Variants in STOX1 observed in about 807,000 individuals in gnomAD.
STOX1 encodes the protein storkhead-box protein 1.
STOX1 carries 57 observed loss-of-function variants against 74.8 expected under a neutral mutation model. The observed-to-expected ratio is 0.76, with a 90% CI of 0.62 to 0.95. The LOEUF (loss-of-function observed/expected upper bound fraction) is 0.95. Ranked by LOEUF, STOX1 falls within the 40% of genes least tolerant of loss-of-function variation. The pLI, the probability that STOX1 is intolerant of heterozygous loss-of-function variation, is 0.00. For missense variants in STOX1, 1,010 were observed against 1,117.0 expected (o/e 0.90, Z 1.37); for synonymous variants, 375 against 401.3 (o/e 0.93, Z 0.78).
At chr10:68,867,895 G>C (rs73266464) in intron 1 of STOX1, among the ~76,000 whole-genome samples, 1,675 of 152,394 alleles carry the variant, frequency 0.011, 33 homozygotes, top group African/African-American at 0.037. Context: ...AAGGCGGCTA[G>C]TGCTAACCTT....
chr10:68,847,104 C>T (rs1039155651), intron 1 of STOX1, among the ~76,000 whole-genome samples: 1 of 152,086 alleles, frequency 6.6e-6, no homozygotes, highest in African/African-American at 2.4e-5. Flanking sequence ...AAAATGCCTT[C>T]CAGATACCAA....
Position 68,884,444 on chromosome 10 carries a change from T to C in STOX1, c.648T>C (p.Ala216=). 1 of 1,613,988 alleles carries C rather than the reference T, an allele frequency of 6.2e-7. No individual in the cohort carries two copies. The highest frequency in any genetic ancestry group is 8.5e-7 in the Non-Finnish European group (1 of 1,180,040). Reference sequence around the variant, plus strand: ...CAGATGAAAGTCGCCTGATGCCAGCTTCCATGACATATCTGGTGAGCATGG... The same window carrying C: ...CAGATGAAAGTCGCCTGATGCCAGCCTCCATGACATATCTGGTGAGCATGG... ...LPSDESRLMP[A]SMTYLVSMES... is the part of the protein sequence containing the mutation. The change falls in exon 3 of 4, where the codon GCT becomes GCC. Residue 216 remains alanine (A), a synonymous_variant. Transcript: ENST00000298596.
chr10:68,865,236 A>G lies in STOX1; in HGVS notation c.311-16722A>G, dbSNP rs192840406. Among the ~76,000 whole-genome samples the G allele has an allele frequency of 3.2e-3, 489 of 152,356 alleles. 1 individual carries two copies. The highest frequency in any genetic ancestry group is 5.6e-3 in the Non-Finnish European group (384 of 68,030). Reference sequence around the variant, plus strand: ...ACATGCCTTGTGGCAACACTTTCCAATGAAAATGCTTAGCAGGCTGCAGGT... The same window carrying G: ...ACATGCCTTGTGGCAACACTTTCCAGTGAAAATGCTTAGCAGGCTGCAGGT... On this transcript the variant is annotated intron_variant, in intron 1 of 3. Coordinates refer to ENST00000298596, the MANE Select transcript of STOX1 (RefSeq NM_152709.5).
chr10:68,863,312 T>C (rs1036153254), intron 1 of STOX1, among the ~76,000 whole-genome samples: 17 of 152,110 alleles, frequency 1.1e-4, no homozygotes, highest in Non-Finnish European at 2.2e-4. Context: ...ACCGCTATCA[T>C]AGCTATCATT....
chr10:68,857,374 C>CA (rs1840153646), intron 1 of STOX1, among the ~76,000 whole-genome samples: 2 of 152,048 alleles, frequency 1.3e-5, no homozygotes, highest in African/African-American at 4.8e-5. Flanking sequence ...TGCCTGGAGA[C>CA]AAAATGGAAG....
chr10:68,860,385 A>G lies in STOX1; in HGVS notation c.311-21573A>G, dbSNP rs954921929. 1.3e-5 allele frequency among the ~76,000 whole-genome samples: 2 copies of G among 151,694 alleles called. 1 individual carries two copies. The highest frequency in any genetic ancestry group is 1.3e-4 in the Admixed American group (2 of 15,244). The stretch of plus-strand genomic sequence containing the variant: ...TCAGGAGTTTGAGACCAGCCTGAGC[A>G]ACATGGTGAAACTCCATCTCTACTA... On this transcript the variant is annotated intron_variant, in intron 1 of 3. Coordinates refer to ENST00000298596, the MANE Select transcript of STOX1 (RefSeq NM_152709.5).
chr10:68,894,833 C>T (rs1290330152), downstream of STOX1, among the ~76,000 whole-genome samples: 1 of 152,160 alleles, frequency 6.6e-6, no homozygotes, highest in African/African-American at 2.4e-5. Context: ...TGAAGTGATC[C>T]TCCCACTTTA....
At chr10:68,867,012 C>T (rs912098981) in intron 1 of STOX1, among the ~76,000 whole-genome samples, 3 of 149,244 alleles carry the variant, frequency 2.0e-5, no homozygotes, top group African/African-American at 7.4e-5. Context: ...GTGGCACGAT[C>T]TCAGTCACTG....
At chr10:68,873,638 CTTCTTTTTTT>C (rs1247335218) in intron 1 of STOX1, among the ~76,000 whole-genome samples, 5 of 79,196 alleles carry the variant, frequency 6.3e-5, no homozygotes, top group Non-Finnish European at 1.3e-4. Flanking sequence ...TCTTCTTCTT[CTTCTTTTTTT>C]TTCTTTTTTT....
chr10:68,872,342 C>CTTTTTT (rs72451894), intron 1 of STOX1, among the ~76,000 whole-genome samples: 14 of 89,316 alleles, frequency 1.6e-4, no homozygotes, highest in African/African-American at 5.3e-4. Context: ...TTTTTCTTTT[C>CTTTTTT]TTTTTTTTTT....
intron 2 of STOX1, among the ~76,000 whole-genome samples, chr10:68,882,319 A>G (rs543767867): frequency 1.3e-5 from 2 of 152,308 alleles, no homozygotes; most frequent in South Asian, 4.1e-4. Flanking sequence ...CCAAAAATAA[A>G]TGCTTATGGC....
chr10:68,851,481 A>T (rs542248300), intron 1 of STOX1, among the ~76,000 whole-genome samples: 1 of 152,260 alleles, frequency 6.6e-6, no homozygotes, highest in Non-Finnish European at 1.5e-5. Context: ...AATTACCCTG[A>T]TATGGTCTTT....
At chr10:68,849,061 C>T (rs926142138) in intron 1 of STOX1, among the ~76,000 whole-genome samples, 1 of 152,216 alleles carries the variant, frequency 6.6e-6, no homozygotes, top group Non-Finnish European at 1.5e-5. Flanking sequence ...CTGGAGGCCT[C>T]ATTCTGTCAC....
intron 1 of STOX1, among the ~76,000 whole-genome samples, chr10:68,867,838 T>C (rs1478181076): frequency 6.6e-6 from 1 of 152,254 alleles, no homozygotes. Context: ...AGTTCCTCAG[T>C]TCGGAAACCA....
At chr10:68,873,446 A>G (rs2394494) in intron 1 of STOX1, among the ~76,000 whole-genome samples, 98,590 of 150,020 alleles carry the variant, frequency 0.66, 32,718 homozygotes, top group East Asian at 0.9. Flanking sequence ...TATTTTTAGT[A>G]GAGATGGGGT....
In STOX1 at chr10:68,837,515, A is replaced by G. The variant is rs75066315; in HGVS notation, c.310+9582A>G. Among the ~76,000 whole-genome samples the G allele has an allele frequency of 1.4e-3, 210 of 152,350 alleles. 4 individuals are homozygous for G. The East Asian group carries it at 0.03, about 22-fold the overall frequency. ...TGCAATAAAGTGCATGTATGTGATT[A>G]TATTTATAATCCTGTTTACATGATA... On this transcript the variant is annotated intron_variant, in intron 1 of 3. Transcript: ENST00000298596.
intron 1 of STOX1, among the ~76,000 whole-genome samples, chr10:68,838,622 T>A (rs1197327659): frequency 6.6e-6 from 1 of 152,050 alleles, no homozygotes; most frequent in Non-Finnish European, 1.5e-5. Flanking sequence ...TGAAAAAAAG[T>A]GGCAAGAGCC....
At chr10:68,867,297 C>T (rs1840434273) in intron 1 of STOX1, among the ~76,000 whole-genome samples, 1 of 152,120 alleles carries the variant, frequency 6.6e-6, no homozygotes, top group Admixed American at 6.5e-5. Flanking sequence ...TACTGATTGA[C>T]AGCCTGTTTA....
At chr10:68,840,259 T>A (rs1468890543) in intron 1 of STOX1, among the ~76,000 whole-genome samples, 1 of 152,216 alleles carries the variant, frequency 6.6e-6, no homozygotes, top group African/African-American at 2.4e-5. Flanking sequence ...ATGACATAGA[T>A]TTTGACAATG....
Sources: gnomAD v4.1 joint callset for allele counts (sites outside exome capture counted in the v4.1 genomes callset) on GRCh38, gnomAD v4.1.1 for gene constraint, MANE v1.5 for transcripts, NCBI Gene and HGNC (gene_info 2026-07-23, HGNC 2026-07-21) for gene names.